NEDD9: variants seen among roughly 807,000 people sequenced by gnomAD.
NEDD9 encodes the protein neural precursor cell expressed, developmentally down-regulated 9.
NEDD9 carries 26 observed loss-of-function variants against 76.6 expected under a neutral mutation model. That is an observed-to-expected ratio of 0.34 (90% CI 0.25 to 0.47). The LOEUF is 0.47. Among genes scored for constraint, NEDD9 ranks in the 20% least tolerant of loss-of-function variants. The pLI, the probability that NEDD9 is intolerant of heterozygous loss-of-function variation, is 1.00. For synonymous variants in NEDD9, 392 were observed against 414.2 expected (o/e 0.95, Z 0.65); for missense variants, 937 against 1,058.5 (o/e 0.89, Z 1.59).
intron 2 of NEDD9, among the ~76,000 whole-genome samples, chr6:11,314,060 C>T (rs569906734): frequency 1.4e-3 from 209 of 152,238 alleles, no homozygotes; most frequent in African/African-American, 4.6e-3. Context: ...TAACACAATT[C>T]AATTTGTAAG....
chr6:11,232,434 C>T, intron 1 of NEDD9, 70 bp downstream of exon 1: 2 of 1,576,378 alleles, frequency 1.3e-6, no homozygotes, highest in Non-Finnish European at 1.7e-6. Flanking sequence ...AAGGAACACG[C>T]ATACACAAGC....
intron 3 of NEDD9, among the ~76,000 whole-genome samples, chr6:11,253,168 G>T (rs1054880302): frequency 2.0e-5 from 3 of 152,288 alleles, no homozygotes; most frequent in Non-Finnish European, 4.4e-5. Context: ...GTCCTAACAG[G>T]TTCCCATCTC....
intron 1 of NEDD9, among the ~76,000 whole-genome samples, chr6:11,336,195 T>A (rs9461645): frequency 0.029 from 4,349 of 152,308 alleles, 192 homozygotes; most frequent in African/African-American, 0.099. Flanking sequence ...TCTGCCTTGG[T>A]CATGGCTCTA....
chr6:11,347,476 A>C, intron 1 of NEDD9, among the ~76,000 whole-genome samples: 1 of 152,182 alleles, frequency 6.6e-6, no homozygotes, highest in Non-Finnish European at 1.5e-5. Flanking sequence ...CAAGAAAAAC[A>C]AAACAAAACA....
At chr6:11,357,632 GT>G (rs1266551077) in intron 1 of NEDD9, among the ~76,000 whole-genome samples, 2 of 152,152 alleles carry the variant, frequency 1.3e-5, no homozygotes, top group African/African-American at 4.8e-5. Flanking sequence ...AAATAATAAA[GT>G]AACTTTTAAA....
At chr6:11,348,756 T>A (rs968759099) in intron 1 of NEDD9, among the ~76,000 whole-genome samples, 2 of 152,138 alleles carry the variant, frequency 1.3e-5, no homozygotes, top group East Asian at 1.9e-4. Flanking sequence ...TTCCTTATAC[T>A]ATATACAAAA....
Position 11,323,983 on chromosome 6 carries a change from T to C in NEDD9, c.-153+10518A>G, listed in dbSNP as rs182418251. On this transcript the variant is annotated intron_variant, in intron 2 of 3. Transcript: ENST00000397378. Reference sequence around the variant, plus strand: ...TCACTCCTAGAAGATGTCTTGTTTTTACCAAGAGGGTAGAGGGATGAGAGG... The same window carrying C: ...TCACTCCTAGAAGATGTCTTGTTTTCACCAAGAGGGTAGAGGGATGAGAGG... Among the ~76,000 whole-genome samples the C allele has an allele frequency of 2.0e-5, 3 of 152,294 alleles. No individual in the cohort carries two copies. In the East Asian group the frequency reaches 5.8e-4, roughly 29 times the overall value.
intron 2 of NEDD9, among the ~76,000 whole-genome samples, chr6:11,318,755 T>C (rs1761656866): frequency 6.6e-6 from 1 of 152,190 alleles, no homozygotes. Flanking sequence ...AAATATGTCC[T>C]GTAGGCCAGC....
intron 3 of NEDD9, among the ~76,000 whole-genome samples, chr6:11,303,512 T>G (rs916373543): frequency 6.6e-6 from 1 of 150,398 alleles, no homozygotes; most frequent in Non-Finnish European, 1.5e-5. Context: ...TGGAAAAAAC[T>G]ACTTAAAAGA....
chr6:11,215,224 T>A (rs1489484016), intron 1 of NEDD9, among the ~76,000 whole-genome samples: 3 of 152,170 alleles, frequency 2.0e-5, no homozygotes, highest in Non-Finnish European at 2.9e-5. Context: ...TAGAGGACAG[T>A]CCTCAGGAAG....
intron 2 of NEDD9, among the ~76,000 whole-genome samples, chr6:11,319,832 A>ACTCT (rs763837370): frequency 9.3e-6 from 1 of 107,744 alleles, no homozygotes; most frequent in African/African-American, 6.0e-5. Flanking sequence ...ACAAGCAAAT[A>ACTCT]CACTCACGCA....
intron 6 of NEDD9, 24 bp from the exon 7 acceptor site, chr6:11,185,695 C>T: frequency 1.9e-6 from 3 of 1,612,476 alleles, no homozygotes; most frequent in Non-Finnish European, 1.7e-6. Flanking sequence ...GAAAGCAGAT[C>T]TCATTAGAGC....
intron 1 of NEDD9, among the ~76,000 whole-genome samples, chr6:11,226,778 A>G (rs150179025): frequency 6.6e-6 from 1 of 152,346 alleles, no homozygotes; most frequent in East Asian, 1.9e-4. Flanking sequence ...GTATGTGTAT[A>G]TAACATCATA....
chr6:11,202,561 T>C (rs1481939064), intron 2 of NEDD9, among the ~76,000 whole-genome samples: 4 of 152,246 alleles, frequency 2.6e-5, no homozygotes, highest in African/African-American at 9.6e-5. Flanking sequence ...TACTAGTTGC[T>C]TCTCTATGAC....
At chr6:11,200,167 G>A (rs1163864959) in intron 2 of NEDD9, 2 of 327,050 alleles carry the variant, frequency 6.1e-6, no homozygotes, top group Non-Finnish European at 1.3e-5. Flanking sequence ...GGGGAACATT[G>A]GACTATAGGG....
At chr6:11,232,482 C>T (rs773587456) in intron 1 of NEDD9, 22 bp downstream of exon 1, 4 of 1,614,180 alleles carry the variant, frequency 2.5e-6, no homozygotes, top group South Asian at 1.1e-5. Flanking sequence ...TGCAAGGTAA[C>T]CTGTAAAAGG....
At chr6:11,197,525 C>T (rs1027011320) in intron 2 of NEDD9, among the ~76,000 whole-genome samples, 39 of 152,134 alleles carry the variant, frequency 2.6e-4, no homozygotes, top group African/African-American at 8.9e-4. Flanking sequence ...CAGTAACTAA[C>T]GGGAGGGTCC....
chr6:11,213,501 C>T lies in NEDD9; in HGVS notation c.239G>A (p.Gly80Glu), dbSNP rs774165546. 6.2e-7 allele frequency: 1 copy of T among 1,614,152 alleles called. No individual in the cohort carries two copies. The highest frequency in any genetic ancestry group is 1.7e-5 in the Admixed American group (1 of 60,022). The change falls in exon 2 of 7, where the codon GGA becomes GAA. Residue 80 changes from glycine (G) to glutamate (E), a missense_variant. Gly to Glu is a moderately conservative substitution (Grantham distance 98). Coordinates refer to ENST00000379446, the MANE Select transcript of NEDD9 (RefSeq NM_006403.4). The surrounding 1 kb of genome is among the most constrained non-coding windows in gnomAD (Gnocchi z 5.4). ...TTGGCCAAAGGTCTGCTGCATCAGT[C>T]CAGAGGCAGGCTGCTCGTGACTGGA... Reference protein sequence around the residue: ...TASSHEQPASGLMQQTFGQQK... With the variant: ...TASSHEQPASELMQQTFGQQK...
intron 1 of NEDD9, among the ~76,000 whole-genome samples, chr6:11,345,917 C>T (rs759723215): frequency 6.6e-6 from 1 of 152,214 alleles, no homozygotes; most frequent in African/African-American, 2.4e-5. Flanking sequence ...CCTGGTTGTT[C>T]CTCGAACACA....
Sources: allele counts gnomAD v4.1 joint callset (sites outside exome capture counted in the v4.1 genomes callset), GRCh38; gene constraint gnomAD v4.1.1; non-coding constraint Gnocchi (gnomAD v3.1); transcripts MANE v1.5; gene names NCBI Gene and HGNC (gene_info 2026-07-23, HGNC 2026-07-21).